Variants in CYSTM1 observed in about 807,000 individuals in gnomAD.
CYSTM1 encodes the protein cysteine rich transmembrane module containing 1, also known as cysteine-rich transmembrane module-containing protein 1.
CYSTM1 carries 4 observed loss-of-function variants against 13.1 expected under a neutral mutation model. The observed-to-expected ratio is 0.31, with a 90% confidence interval of 0.15 to 0.70. CYSTM1 has a LOEUF of 0.70. Among genes scored for constraint, CYSTM1 ranks in the 30% least tolerant of loss-of-function variants. CYSTM1 has a pLI of 0.72. For missense variants in CYSTM1, 96 were observed against 121.6 expected, an observed-to-expected ratio of 0.79 and a Z score of 0.99; for synonymous variants, 36 against 42.7, an observed-to-expected ratio of 0.84 and a Z score of 0.62.
At chr5:140,187,103 G>A (rs754620822) in intron 1 of CYSTM1, among the ~76,000 whole-genome samples, 1 of 152,042 alleles carries the variant, frequency 6.6e-6, no homozygotes, top group Non-Finnish European at 1.5e-5. Flanking sequence ...TCCAGCCTGG[G>A]CGACAAAGTG....
rs183860892 is a variant in CYSTM1 at position 140,195,902 on chromosome 5, A to G, written c.187+1250A>G. Among the ~76,000 whole-genome samples the G allele has an allele frequency of 3.5e-4, 53 of 151,816 alleles. 1 individual carries two copies. In the East Asian group the frequency reaches 9.6e-3, roughly 28 times the overall value. Reference sequence around the variant, plus strand: ...TCTACTAAAAATACAAAAACTAGCCAGGCGTGGTGGTACGCGTCTATAGTC... The same window carrying G: ...TCTACTAAAAATACAAAAACTAGCCGGGCGTGGTGGTACGCGTCTATAGTC... On this transcript the variant is annotated intron_variant, in intron 2 of 2. Transcript: ENST00000261811.
rs1446839912 is a variant in CYSTM1 at position 140,239,254 on chromosome 5, A to G, written c.188-4051A>G. 2.0e-5 allele frequency among the ~76,000 whole-genome samples: 3 copies of G among 152,160 alleles called. No homozygotes were observed. Among genetic ancestry groups the G allele is most frequent in the Non-Finnish European group, 2.9e-5 (2 of 68,016 alleles). ...CTGAGAATTGGAGCCTTCACCTGAG[A>G]AGGCCTATACTCACACTTCCTGCAG... On this transcript the variant is annotated intron_variant, in intron 2 of 2. Transcript: ENST00000261811. This position sits in a 1 kb window ranked among gnomAD's most constrained non-coding sequence, Gnocchi z 5.4.
chr5:140,212,277 A>G, intron 2 of CYSTM1, among the ~76,000 whole-genome samples: 1 of 152,152 alleles, frequency 6.6e-6, no homozygotes. Flanking sequence ...GTGATCCCAT[A>G]AGATTATAAT....
chr5:140,237,722 C>G (rs1389282553), intron 2 of CYSTM1, among the ~76,000 whole-genome samples: 3 of 152,116 alleles, frequency 2.0e-5, no homozygotes, highest in Non-Finnish European at 4.4e-5. Context: ...GTTGTTTTTC[C>G]AAAAATTGTG....
chr5:140,175,881 GATCTGAGCGGACCTGTTGGAGGAAGTGAA>G lies in CYSTM1; in HGVS notation c.-21+607_-21+635del, dbSNP rs1227469362. ...GCTGCTGTTGAGAGCCGTGGATTGG[GATCTGAGCGGACCTGTTGGAGGAAGTGAA>G]ATCTGAGCGGGGTCCTGACGGGTGG... On this transcript the variant is annotated intron_variant, in intron 1 of 2. Coordinates refer to ENST00000261811, the MANE Select transcript of CYSTM1 (RefSeq NM_032412.4). The surrounding 1 kb of genome is among the most constrained non-coding windows in gnomAD (Gnocchi z 4.9). Among the ~76,000 whole-genome samples the G allele has an allele frequency of 6.6e-6, 1 of 152,152 alleles. No homozygotes were observed. Among genetic ancestry groups the G allele is most frequent in the Non-Finnish European group, 1.5e-5 (1 of 68,020 alleles).
intron 1 of CYSTM1, among the ~76,000 whole-genome samples, chr5:140,185,616 T>C (rs968364729): frequency 1.3e-5 from 2 of 152,210 alleles, no homozygotes; most frequent in Admixed American, 6.5e-5. Flanking sequence ...TAAAAAGAAA[T>C]ATCTTGTCCA....
chr5:140,196,040 CAAA>C (rs56786100), intron 2 of CYSTM1, among the ~76,000 whole-genome samples: 1 of 136,160 alleles, frequency 7.3e-6, no homozygotes. Context: ...GACTCCATCT[CAAA>C]AAAAAAAAAA....
chr5:140,185,561 A>G (rs10039051), intron 1 of CYSTM1, among the ~76,000 whole-genome samples: 35,111 of 152,140 alleles, frequency 0.23, 4,085 homozygotes, highest in African/African-American at 0.25. Flanking sequence ...AGCAATTTAG[A>G]AAATGGCAAT....
intron 2 of CYSTM1, among the ~76,000 whole-genome samples, chr5:140,213,747 G>A (rs1023830762): frequency 3.9e-4 from 59 of 152,266 alleles, no homozygotes; most frequent in African/African-American, 1.3e-3. Context: ...CATGCTGTAC[G>A]CATTTGTAGC....
At chr5:140,204,056 G>C (rs1412245584) in intron 2 of CYSTM1, among the ~76,000 whole-genome samples, 2 of 152,218 alleles carry the variant, frequency 1.3e-5, no homozygotes, top group East Asian at 3.9e-4. Flanking sequence ...TCCAGGGTCA[G>C]TAAGTTTTAA....
chr5:140,184,756 AAGGTTTT>A (rs1763997238), intron 1 of CYSTM1, among the ~76,000 whole-genome samples: 2 of 152,322 alleles, frequency 1.3e-5, no homozygotes, highest in African/African-American at 4.8e-5. Flanking sequence ...TTTATGGAGA[AAGGTTTT>A]AGCAGATGAT....
At chr5:140,200,500 C>T (rs981374969) in intron 2 of CYSTM1, 1 of 151,098 alleles carries the variant, frequency 6.6e-6, no homozygotes, top group Non-Finnish European at 1.5e-5. Flanking sequence ...CTTTCATCAC[C>T]CCAAAAAGAA....
At chr5:140,237,808 A>T (rs1333385993) in intron 2 of CYSTM1, among the ~76,000 whole-genome samples, 1 of 152,152 alleles carries the variant, frequency 6.6e-6, no homozygotes, top group Admixed American at 6.5e-5. Context: ...CCTGGGCTTC[A>T]TCAGTTTCTC....
rs77998885 is a variant in CYSTM1 at position 140,239,074 on chromosome 5, G to A, written c.188-4231G>A. 6.6e-6 allele frequency among the ~76,000 whole-genome samples: 1 copy of A among 152,294 alleles called. No individual in the cohort carries two copies. Among genetic ancestry groups the A allele is most frequent in the East Asian group, 1.9e-4 (1 of 5,184 alleles). On this transcript the variant is annotated intron_variant, in intron 2 of 2. Transcript: ENST00000261811. This position sits in a 1 kb window ranked among gnomAD's most constrained non-coding sequence, Gnocchi z 5.4. The stretch of plus-strand genomic sequence containing the variant: ...CTGGGAGGCTCTGGTCTTTCTGTTT[G>A]CCTTTCCCGCCTAGCTCTCTTGGGT...
rs1405430820 is a variant in CYSTM1, at chr5:140,212,983, G to GTGTATATATATATATATATATATATATA, written c.187+18332_187+18333insGTATATATATATATATATATATATATAT. Among the ~76,000 whole-genome samples the GTGTATATATATATATATATATATATATA allele has an allele frequency of 1.7e-3, 192 of 114,266 alleles. 7 individuals carry two copies. Among genetic ancestry groups the GTGTATATATATATATATATATATATATA allele is most frequent in the East Asian group, 3.2e-3 (12 of 3,772 alleles). 75.0% of individuals were successfully genotyped at this position (114,266 alleles called of 152,430 possible). A position where few individuals can be genotyped will look rare whatever the true frequency, so the allele number is the denominator to read the frequency against. ...ACTCTGTCTCAAAAACAAAACAAAA[G>GTGTATATATATATATATATATATATATA]TATATATATATATATATATATATAT... On this transcript the variant is annotated intron_variant, in intron 2 of 2. Transcript: ENST00000261811.
intron 1 of CYSTM1, among the ~76,000 whole-genome samples, chr5:140,186,711 T>TGGAACCC (rs1204634393): frequency 6.6e-6 from 1 of 152,234 alleles, no homozygotes; most frequent in East Asian, 1.9e-4. Flanking sequence ...TACTGGGTTA[T>TGGAACCC]AGTTGATGCT....
intron 1 of CYSTM1, among the ~76,000 whole-genome samples, chr5:140,180,305 A>G (rs1350615831): frequency 2.0e-5 from 3 of 152,188 alleles, no homozygotes; most frequent in African/African-American, 4.8e-5. Context: ...CTGAACTACA[A>G]CATCCATCTT....
chr5:140,183,352 C>G (rs1763980279), intron 1 of CYSTM1, among the ~76,000 whole-genome samples: 1 of 152,214 alleles, frequency 6.6e-6, no homozygotes, highest in Non-Finnish European at 1.5e-5. Flanking sequence ...CCTTTCCCTT[C>G]TGTTCAATAC....
rs775412808 is a variant in CYSTM1, at chr5:140,230,564, T to A, written c.188-12741T>A. 1.3e-5 allele frequency among the ~76,000 whole-genome samples: 2 copies of A among 152,162 alleles called. No individual in the cohort carries two copies. The highest frequency in any genetic ancestry group is 2.9e-5 in the Non-Finnish European group (2 of 68,028). Reference sequence around the variant, plus strand: ...CCCATGTGCAAATTCAGGGGAGGGGTTAGCATGAAACATGCAGTGAAAATT... The same window carrying A: ...CCCATGTGCAAATTCAGGGGAGGGGATAGCATGAAACATGCAGTGAAAATT... On this transcript the variant is annotated intron_variant, in intron 2 of 2. Transcript: ENST00000261811. This position sits in a 1 kb window ranked among gnomAD's most constrained non-coding sequence, Gnocchi z 4.1.
Sources: allele counts gnomAD v4.1 joint callset (sites outside exome capture counted in the v4.1 genomes callset), GRCh38; gene constraint gnomAD v4.1.1; non-coding constraint Gnocchi (gnomAD v3.1); transcripts MANE v1.5; gene names NCBI Gene and HGNC (gene_info 2026-07-23, HGNC 2026-07-21).